AGPAT1: variants seen among roughly 807,000 people sequenced by gnomAD.
AGPAT1 encodes the protein 1-acylglycerol-3-phosphate O-acyltransferase 1.
AGPAT1 carries 6 observed loss-of-function variants against 31.2 expected under a neutral mutation model. The ratio of observed to expected loss-of-function variants is 0.19; its 90% CI spans 0.11 to 0.38. AGPAT1 has a LOEUF of 0.38. Ranked by LOEUF, AGPAT1 falls within the 10% of genes least tolerant of loss-of-function variation. The pLI, the probability that AGPAT1 is intolerant of heterozygous loss-of-function variation, is 1.00. For synonymous variants in AGPAT1, 139 were observed against 154.0 expected (o/e 0.90, Z 0.72); for missense variants, 187 against 377.8 (o/e 0.49, Z 4.19).
chr6:32,171,271 A>G lies in AGPAT1; in HGVS notation c.200+26T>C. 6.2e-7 allele frequency: 1 copy of G among 1,612,918 alleles called. No homozygotes were observed. Among genetic ancestry groups the G allele is most frequent in the Non-Finnish European group, 8.5e-7 (1 of 1,179,996 alleles). ...TCACTTTGTACCCTTAGGTTCCCTC[A>G]TTGCCCAAGACCCCTTGCCCCTCAC... On this transcript the variant is annotated intron_variant, in intron 2 of 6. Coordinates refer to ENST00000375107, the MANE Select transcript of AGPAT1 (RefSeq NM_006411.4). The surrounding 1 kb of genome is among the most constrained non-coding windows in gnomAD (Gnocchi z 6.9).
Position 32,172,239 on chromosome 6 carries a change from G to A in AGPAT1, c.-9-734C>T, listed in dbSNP as rs1029314133. Among the ~76,000 whole-genome samples, 2 of 151,878 alleles carry A rather than the reference G, an allele frequency of 1.3e-5. No individual in the cohort carries two copies. The highest frequency in any genetic ancestry group is 2.9e-5 in the Non-Finnish European group (2 of 67,976). Reference sequence around the variant, plus strand: ...AGGCAGGAGAATCGCTTGAATCCGGGAGGCGGAGGTTGCAGTGAGCCAAGA... The same window carrying A: ...AGGCAGGAGAATCGCTTGAATCCGGAAGGCGGAGGTTGCAGTGAGCCAAGA... On this transcript the variant is annotated intron_variant, in intron 1 of 6. Coordinates refer to ENST00000375107, the MANE Select transcript of AGPAT1 (RefSeq NM_006411.4). This position sits in a 1 kb window ranked among gnomAD's most constrained non-coding sequence, Gnocchi z 4.3.
chr6:32,169,507 G>C lies in AGPAT1; in HGVS notation c.680-59C>G. 3 of 1,583,396 alleles carry C rather than the reference G, an allele frequency of 1.9e-6. No homozygotes were observed. Among genetic ancestry groups the C allele is most frequent in the Non-Finnish European group, 2.6e-6 (3 of 1,159,736 alleles). Reference sequence around the variant, plus strand: ...ACCCAGGTCTTTGCCCACAGGTGGGGCCCAGCTTCCGAGTGATACTCTTCC... The same window carrying C: ...ACCCAGGTCTTTGCCCACAGGTGGGCCCCAGCTTCCGAGTGATACTCTTCC... On this transcript the variant is annotated intron_variant, in intron 6 of 6. Transcript: ENST00000375107. The surrounding 1 kb of genome is among the most constrained non-coding windows in gnomAD (Gnocchi z 5.9).
upstream of AGPAT1, chr6:32,177,425 G>T: frequency 3.9e-6 from 1 of 257,094 alleles, no homozygotes; most frequent in African/African-American, 2.2e-5. Flanking sequence ...CAAAGGGGTT[G>T]AGCCCAGAGC....
chr6:32,175,669 A>C lies in AGPAT1; in HGVS notation c.-10+145T>G. 1 of 236,400 alleles carries C rather than the reference A, an allele frequency of 4.2e-6. No homozygotes were observed. Among genetic ancestry groups the C allele is most frequent in the Non-Finnish European group, 6.8e-6 (1 of 146,972 alleles). 14.6% of individuals were successfully genotyped at this position (236,400 alleles called of 1,614,324 possible). On this transcript the variant is annotated intron_variant, in intron 1 of 6. Transcript: ENST00000375107. The surrounding 1 kb of genome is among the most constrained non-coding windows in gnomAD (Gnocchi z 4.5). ...CAGGTCCCCTCTCCTATCCCCAGCA[A>C]CCCTCTTCCCAGTCGGCCCCTCTCC...
At position 32,170,477 on chromosome 6, in the gene AGPAT1, C is replaced by T. The variant is rs753269798; in HGVS notation, c.458G>A (p.Gly153Glu). 4.3e-6 allele frequency: 7 copies of T among 1,613,000 alleles called. No individual in the cohort carries two copies. The highest frequency in any genetic ancestry group is 3.3e-5 in the Admixed American group (2 of 60,008). ...GVIFIDRKRT[G>E]DAISVMSEVA... Reference sequence around the variant, plus strand: ...CTCAGACATGACACTGATGGCATCCCCCGTGCGCTTCCGGTCGATGAAGAT... The same window carrying T: ...CTCAGACATGACACTGATGGCATCCTCCGTGCGCTTCCGGTCGATGAAGAT... The change falls in exon 4 of 7, where the codon GGG becomes GAG. Residue 153 changes from glycine (G) to glutamate (E), a missense_variant. By Grantham distance (98) the Gly-to-Glu change is moderately conservative. This residue lies in a region of AGPAT1 where 113 missense variants were observed against 283.1 expected (regional missense o/e 0.40). Transcript: ENST00000375107. This position sits in a 1 kb window ranked among gnomAD's most constrained non-coding sequence, Gnocchi z 7.7.
In AGPAT1 at chr6:32,172,279, T is replaced by C. The variant is rs2127417221; in HGVS notation, c.-9-774A>G. Among the ~76,000 whole-genome samples, 1 of 151,786 alleles carries C rather than the reference T, an allele frequency of 6.6e-6. No homozygotes were observed. The highest frequency in any genetic ancestry group is 2.1e-4 in the South Asian group (1 of 4,798). On this transcript the variant is annotated intron_variant, in intron 1 of 6. Transcript: ENST00000375107. The surrounding 1 kb of genome is among the most constrained non-coding windows in gnomAD (Gnocchi z 4.3). ...GTGAGCCAAGATCACGCCACTGCAC[T>C]CTAGCCTGGGCAATGGAGTGAGACT...
At position 32,171,350 on chromosome 6, in the gene AGPAT1, A is replaced by G. The variant is rs1398834458; in HGVS notation, c.147T>C (p.Ala49=). 13 of 1,613,190 alleles carry G rather than the reference A, an allele frequency of 8.1e-6. No individual in the cohort carries two copies. The highest frequency in any genetic ancestry group is 1.0e-5 in the Non-Finnish European group (12 of 1,180,046). ...AFYNGWILFL[A]VLAIPVCAVR... ...CGGCACACACAGGGATGGCGAGCAC[A>G]GCCAGGAAGAGGATCCAGCCATTGT... Residue 49 remains alanine (A), a synonymous_variant, in exon 2 of 7, where the codon GCT becomes GCC. Transcript: ENST00000375107. The surrounding 1 kb of genome is among the most constrained non-coding windows in gnomAD (Gnocchi z 6.9).
Position 32,169,536 on chromosome 6 carries a change from A to T in AGPAT1, c.680-88T>A. On this transcript the variant is annotated intron_variant, in intron 6 of 6. Coordinates refer to ENST00000375107, the MANE Select transcript of AGPAT1 (RefSeq NM_006411.4). This position sits in a 1 kb window ranked among gnomAD's most constrained non-coding sequence, Gnocchi z 5.9. ...AGCTTCCGAGTGATACTCTTCCTCA[A>T]CCTTTCAGTTCTCTTCCCCCAACCC... 6.7e-7 allele frequency: 1 copy of T among 1,494,128 alleles called. No individual in the cohort carries two copies. Among genetic ancestry groups the T allele is most frequent in the Non-Finnish European group, 9.1e-7 (1 of 1,097,714 alleles). The allele number at this position is 1,494,128 out of a possible 1,614,324, so 92.6% of individuals were successfully genotyped here.
Position 32,168,929 on chromosome 6 carries a change from A to T in AGPAT1, c.*347T>A. 3.0e-6 allele frequency: 1 copy of T among 338,674 alleles called. No homozygotes were observed. The highest frequency in any genetic ancestry group is 5.5e-6 in the Non-Finnish European group (1 of 182,364). The allele number at this position is 338,674 out of a possible 1,614,324, so 21.0% of individuals were successfully genotyped here. A position where few individuals can be genotyped will look rare whatever the true frequency, so the allele number is the denominator to read the frequency against. ...TGGCCAATGTGGGGTAGAGGGGTAG[A>T]GAAGACCACATAGGAAGAGACTCCA... is the stretch of plus-strand genomic sequence containing the variant. On this transcript the variant is annotated 3_prime_UTR_variant, in exon 7 of 7. Coordinates refer to ENST00000375107, the MANE Select transcript of AGPAT1 (RefSeq NM_006411.4). The surrounding 1 kb of genome is among the most constrained non-coding windows in gnomAD (Gnocchi z 4.5).
chr6:32,171,565 A>T lies in AGPAT1; in HGVS notation c.-9-60T>A, dbSNP rs1785107771. 6.5e-6 allele frequency: 10 copies of T among 1,530,518 alleles called. No individual in the cohort carries two copies. The highest frequency in any genetic ancestry group is 8.7e-6 in the Non-Finnish European group (10 of 1,142,956). The allele number at this position is 1,530,518 out of a possible 1,614,324, so 94.8% of individuals were successfully genotyped here. A position where few individuals can be genotyped will look rare whatever the true frequency, so the allele number is the denominator to read the frequency against. ...TTTCTGGAGGAGAGTGGGGTAGGCA[A>T]GGCACAGAAGGCAGGGCTGGGGGCT... On this transcript the variant is annotated intron_variant, in intron 1 of 6. Transcript: ENST00000375107. The surrounding 1 kb of genome is among the most constrained non-coding windows in gnomAD (Gnocchi z 6.9).
Position 32,171,023 on chromosome 6 carries a change from C to T in AGPAT1, c.248G>A (p.Arg83Gln), listed in dbSNP as rs752064887. 92 of 1,612,632 alleles carry T rather than the reference C, an allele frequency of 5.7e-5. No homozygotes were observed. Among genetic ancestry groups the T allele is most frequent in the Non-Finnish European group, 7.3e-5 (86 of 1,179,984 alleles). The change falls in exon 3 of 7, where the codon CGA (arginine) becomes CAA (glutamine). Residue 83 changes from arginine to glutamine, a missense_variant. By Grantham distance (43) the Arg-to-Gln change is conservative. Transcript: ENST00000375107. This position sits in a 1 kb window ranked among gnomAD's most constrained non-coding sequence, Gnocchi z 6.9. ...GTGGTGAGCCCCTCGCACCTCCACT[C>T]GGATCCCGTACAGGTATTTGATGTG... ...LLHIKYLYGIRVEVRGAHHFP... is the reference protein window; with the variant it reads ...LLHIKYLYGIQVEVRGAHHFP...
Position 32,172,525 on chromosome 6 carries a change from T to C in AGPAT1, c.-9-1020A>G, listed in dbSNP as rs58912491. Among the ~76,000 whole-genome samples the C allele has an allele frequency of 3.3e-3, 502 of 152,300 alleles. 14 individuals carry two copies. The East Asian group carries it at 0.064, about 19-fold the overall frequency. ...CATATGATAGTCTAGAAAGTACTAT[T>C]ACTATTTACATTTTATAGGAAATAG... On this transcript the variant is annotated intron_variant, in intron 1 of 6. Coordinates refer to ENST00000375107, the MANE Select transcript of AGPAT1 (RefSeq NM_006411.4). The surrounding 1 kb of genome is among the most constrained non-coding windows in gnomAD (Gnocchi z 4.3).
upstream of AGPAT1, chr6:32,176,952 C>T (rs1486777158): frequency 2.5e-6 from 1 of 398,440 alleles, no homozygotes; most frequent in Non-Finnish European, 4.4e-6. Context: ...TTTCCACCCC[C>T]TCTTCTCTTC....
chr6:32,176,017 G>A lies in AGPAT1; in HGVS notation c.-213C>T. ...ATAGCGGTAGGAATGGTGGGGGGCT[G>A]TCCCCCCAGCACCCTCCCTCCCTCC... On this transcript the variant is annotated 5_prime_UTR_variant, in exon 1 of 7. Transcript: ENST00000375107. 1.0e-6 allele frequency: 1 copy of A among 984,924 alleles called. No individual in the cohort carries two copies. Among genetic ancestry groups the A allele is most frequent in the African/African-American group, 1.7e-5 (1 of 57,200 alleles). The allele number at this position is 984,924 out of a possible 1,614,324, so 61.0% of individuals were successfully genotyped here.
rs969848229 is a variant in AGPAT1, at chr6:32,175,717, C to G, written c.-10+97G>C. On this transcript the variant is annotated intron_variant, in intron 1 of 6. Transcript: ENST00000375107. This position sits in a 1 kb window ranked among gnomAD's most constrained non-coding sequence, Gnocchi z 4.5. ...TCCTTTCCCCAGCAACCCTCTCCCC[C>G]AGTCGGCCCTCCCAGACCCAATCTC... is the stretch of plus-strand genomic sequence containing the variant. 4 of 618,106 alleles carry G rather than the reference C, an allele frequency of 6.5e-6. No homozygotes were observed. The highest frequency in any genetic ancestry group is 1.4e-4 in the East Asian group (1 of 7,166). The allele number at this position is 618,106 out of a possible 1,614,324, so 38.3% of individuals were successfully genotyped here. A position where few individuals can be genotyped will look rare whatever the true frequency, so the allele number is the denominator to read the frequency against.
rs763029554 is a variant in AGPAT1 at position 32,170,017 on chromosome 6, T to A, written c.628A>T (p.Met210Leu). The A allele has an allele frequency of 6.2e-7, 1 of 1,613,894 alleles. No individual in the cohort carries two copies. The highest frequency in any genetic ancestry group is 8.5e-7 in the Non-Finnish European group (1 of 1,179,984). ...QAQVPIVPIVMSSYQDFYCKK... is the reference protein window; with the variant it reads ...QAQVPIVPIVLSSYQDFYCKK... ...CAGTAGAAGTCTTGGTAGGAGGACA[T>A]GACTATGGGGACAATGGGAACCTGG... The change falls in exon 6 of 7, where the codon ATG becomes TTG. Residue 210 changes from methionine to leucine, a missense_variant. Transcript: ENST00000375107. This position sits in a 1 kb window ranked among gnomAD's most constrained non-coding sequence, Gnocchi z 7.7.
chr6:32,176,137 A>G, upstream of AGPAT1: 1 of 985,600 alleles, frequency 1.0e-6, no homozygotes, highest in Non-Finnish European at 1.2e-6. Flanking sequence ...CCGGCCAGGA[A>G]GTGGAGGGCG....
Position 32,169,551 on chromosome 6 carries a change from TC to T in AGPAT1, c.680-104del. 3.5e-6 allele frequency: 5 copies of T among 1,415,104 alleles called. No individual in the cohort carries two copies. Among genetic ancestry groups the T allele is most frequent in the Non-Finnish European group, 4.8e-6 (5 of 1,039,710 alleles). 87.7% of individuals were successfully genotyped at this position (1,415,104 alleles called of 1,614,324 possible). A position where few individuals can be genotyped will look rare whatever the true frequency, so the allele number is the denominator to read the frequency against. ...CTCTTCCTCAACCTTTCAGTTCTCT[TC>T]CCCCAACCCTGGACAACCATCCCTG... On this transcript the variant is annotated intron_variant, in intron 6 of 6. Transcript: ENST00000375107. The surrounding 1 kb of genome is among the most constrained non-coding windows in gnomAD (Gnocchi z 5.9).
rs894079409 is a variant in AGPAT1, at chr6:32,172,708, G to T, written c.-9-1203C>A. ...GAACACAGCACACAGCATATATGGTGATTGTGACAGAACACTCACAGCCAT... is the reference window on the plus strand; with the variant it reads ...GAACACAGCACACAGCATATATGGTTATTGTGACAGAACACTCACAGCCAT... On this transcript the variant is annotated intron_variant, in intron 1 of 6. Coordinates refer to ENST00000375107, the MANE Select transcript of AGPAT1 (RefSeq NM_006411.4). The surrounding 1 kb of genome is among the most constrained non-coding windows in gnomAD (Gnocchi z 4.3). Among the ~76,000 whole-genome samples the T allele has an allele frequency of 3.3e-5, 5 of 152,164 alleles. No homozygotes were observed. Among genetic ancestry groups the T allele is most frequent in the Non-Finnish European group, 7.3e-5 (5 of 68,028 alleles).
Sources: allele counts gnomAD v4.1 joint callset (sites outside exome capture counted in the v4.1 genomes callset), GRCh38; gene constraint gnomAD v4.1.1; regional missense constraint gnomAD v4.1.1; non-coding constraint Gnocchi (gnomAD v3.1); transcripts MANE v1.5; gene names NCBI Gene and HGNC (gene_info 2026-07-23, HGNC 2026-07-21).